The following GLIS3 variants were observed in gnomAD, a reference collection of about 807,000 sequenced individuals.
GLIS3 encodes zinc finger protein GLIS3.
GLIS3 carries 53 observed loss-of-function variants against 78.6 expected under a neutral mutation model. The ratio of observed to expected loss-of-function variants is 0.67; its 90% CI spans 0.54 to 0.85. The LOEUF is 0.85. Ranked by LOEUF, GLIS3 falls within the 40% of genes least tolerant of loss-of-function variation. The pLI, the probability that GLIS3 is intolerant of heterozygous loss-of-function variation, is 0.00. For missense variants in GLIS3, 1,703 were observed against 1,231.1 expected, an observed-to-expected ratio of 1.38 and a Z score of -5.74; for synonymous variants, 684 against 509.9, an observed-to-expected ratio of 1.34 and a Z score of -4.60.
At chr9:4,324,788 T>A (rs963490780) in intron 2 of GLIS3, among the ~76,000 whole-genome samples, 2 of 152,200 alleles carry the variant, frequency 1.3e-5, no homozygotes, top group Admixed American at 1.3e-4. Context: ...ATTTCATTTG[T>A]TTTGGCTCTG....
chr9:4,357,379 C>A, the GLIS3 span, among the ~76,000 whole-genome samples: 2 of 152,188 alleles, frequency 1.3e-5, no homozygotes, highest in African/African-American at 2.4e-5. Context: ...CCCTCTCTGA[C>A]TGTTTTCAAG....
At chr9:3,882,382 C>G (rs758003826) in intron 7 of GLIS3, among the ~76,000 whole-genome samples, 2 of 152,132 alleles carry the variant, frequency 1.3e-5, no homozygotes, top group African/African-American at 2.4e-5. Flanking sequence ...AATGTTCTCA[C>G]AGATACCCAA....
chr9:4,385,707 AAAG>A, the GLIS3 span, among the ~76,000 whole-genome samples: 1 of 122,404 alleles, frequency 8.2e-6, no homozygotes, highest in African/African-American at 3.1e-5. Flanking sequence ...AGAAACAAAG[AAAG>A]GAGAGAGAGA....
intron 2 of GLIS3, among the ~76,000 whole-genome samples, chr9:4,319,319 CA>C: frequency 6.6e-6 from 1 of 152,236 alleles, no homozygotes; most frequent in South Asian, 2.1e-4. Flanking sequence ...AGCTCCCTCT[CA>C]AATGATCCAG....
chr9:3,991,805 C>T (rs1383287617), intron 4 of GLIS3, among the ~76,000 whole-genome samples: 1 of 151,280 alleles, frequency 6.6e-6, no homozygotes, highest in East Asian at 2.0e-4. Context: ...ATTCTCCTGC[C>T]TCAGCCTCCC....
chr9:4,040,808 G>A (rs951114078), intron 4 of GLIS3, among the ~76,000 whole-genome samples: 2 of 152,184 alleles, frequency 1.3e-5, no homozygotes, highest in African/African-American at 4.8e-5. Context: ...TGTCAACTGG[G>A]TCAACTGGGT....
rs1216710917 is a variant in GLIS3 at position 4,177,212 on chromosome 9, T to C, written c.389-51271A>G. ...TAATTTATACTCCCGAGTTCAGTTTTCTCCAAAGGATTATTTCCCCTTTAT... is the reference window on the plus strand; with the variant it reads ...TAATTTATACTCCCGAGTTCAGTTTCCTCCAAAGGATTATTTCCCCTTTAT... On this transcript the variant is annotated intron_variant, in intron 2 of 10. Transcript: ENST00000381971. Among the ~76,000 whole-genome samples the C allele has an allele frequency of 3.3e-5, 5 of 152,318 alleles. 1 individual carries two copies. The East Asian group carries it at 9.6e-4, about 29-fold the overall frequency.
At chr9:4,305,833 G>A (rs1817214953) in intron 4 of GLIS3, 1 of 152,198 alleles carries the variant, frequency 6.6e-6, no homozygotes, top group Non-Finnish European at 1.5e-5. Flanking sequence ...GAAGGGTGGA[G>A]AAGATTACAG....
At chr9:3,957,452 C>T (rs1420720554) in intron 4 of GLIS3, among the ~76,000 whole-genome samples, 2 of 152,180 alleles carry the variant, frequency 1.3e-5, no homozygotes, top group African/African-American at 4.8e-5. Flanking sequence ...ACTCAAACTA[C>T]AGGGAGTTGC....
intron 9 of GLIS3, among the ~76,000 whole-genome samples, chr9:3,846,408 G>A (rs1057381993): frequency 1.1e-4 from 17 of 152,124 alleles, no homozygotes; most frequent in African/African-American, 4.1e-4. Context: ...CTCTGGACTT[G>A]CTCAGAGCAC....
chr9:3,992,120 G>C (rs1820361887), intron 4 of GLIS3, among the ~76,000 whole-genome samples: 3 of 152,158 alleles, frequency 2.0e-5, no homozygotes, highest in African/African-American at 4.8e-5. Context: ...CTTTAGGGCA[G>C]CTCTGTCTGT....
intron 4 of GLIS3, among the ~76,000 whole-genome samples, chr9:3,940,880 A>C (rs1815845485): frequency 1.3e-5 from 2 of 152,206 alleles, no homozygotes; most frequent in African/African-American, 4.8e-5. Context: ...CTCTGTGTGC[A>C]TGAAAGCAAG....
the GLIS3 span, among the ~76,000 whole-genome samples, chr9:4,389,083 G>C: frequency 3.4e-4 from 52 of 152,320 alleles, no homozygotes; most frequent in African/African-American, 1.2e-3. Context: ...TTGGATGAAT[G>C]ACCCAGCAGC....
intron 9 of GLIS3, among the ~76,000 whole-genome samples, chr9:3,840,760 A>C (rs924459868): frequency 6.6e-5 from 10 of 152,206 alleles, no homozygotes; most frequent in African/African-American, 2.4e-4. Context: ...ACGTGGTTCC[A>C]AGAAGCAAGG....
chr9:4,330,424 G>C (rs976454108), intron 2 of GLIS3, among the ~76,000 whole-genome samples: 6 of 152,240 alleles, frequency 3.9e-5, no homozygotes, highest in African/African-American at 1.4e-4. Flanking sequence ...ATCACACTTT[G>C]AAAACCACTG....
At chr9:4,341,660 C>A (rs372774420) in intron 2 of GLIS3, among the ~76,000 whole-genome samples, 15 of 152,152 alleles carry the variant, frequency 9.9e-5, no homozygotes, top group African/African-American at 3.1e-4. Context: ...AGAAAAAGAC[C>A]ACAGTCTTAC....
At chr9:4,042,096 C>T (rs746116167) in intron 4 of GLIS3, among the ~76,000 whole-genome samples, 4 of 152,052 alleles carry the variant, frequency 2.6e-5, no homozygotes, top group Non-Finnish European at 5.9e-5. Context: ...CTGAATAGAA[C>T]GCACGTTAAT....
At chr9:4,269,607 T>C (rs997727373) in intron 2 of GLIS3, among the ~76,000 whole-genome samples, 3 of 152,246 alleles carry the variant, frequency 2.0e-5, no homozygotes, top group African/African-American at 7.2e-5. Flanking sequence ...TCATTATGTG[T>C]TCCAGTGTAG....
chr9:4,338,754 G>A (rs920746622), intron 2 of GLIS3, among the ~76,000 whole-genome samples: 3 of 152,164 alleles, frequency 2.0e-5, no homozygotes, highest in African/African-American at 7.2e-5. Flanking sequence ...GTAGAAAGTA[G>A]AGGAACCAAA....
Sources: gnomAD v4.1 joint callset for allele counts (sites outside exome capture counted in the v4.1 genomes callset) on GRCh38, gnomAD v4.1.1 for gene constraint, MANE v1.5 for transcripts, NCBI Gene and HGNC (gene_info 2026-07-23, HGNC 2026-07-21) for gene names.